Variants in SYVN1 observed in about 807,000 individuals in gnomAD.
The protein encoded by SYVN1 is E3 ubiquitin-protein ligase synoviolin.
SYVN1 carries 17 observed loss-of-function variants against 62.6 expected under a neutral mutation model. The ratio of observed to expected loss-of-function variants is 0.27; its 90% confidence interval spans 0.19 to 0.41. The LOEUF is 0.41. Ranked by LOEUF, SYVN1 falls within the 10% of genes least tolerant of loss-of-function variation. The pLI, the probability that SYVN1 is intolerant of heterozygous loss-of-function variation, is 1.00. For synonymous variants in SYVN1, 316 were observed against 304.0 expected (o/e 1.04, Z -0.41); for missense variants, 634 against 818.0 (o/e 0.78, Z 2.74).
In SYVN1 at chr11:65,131,541, G is replaced by C; in HGVS notation, c.587C>G (p.Ser196Cys). 6.2e-7 allele frequency: 1 copy of C among 1,614,060 alleles called. No homozygotes were observed. The highest frequency in any genetic ancestry group is 8.5e-7 in the Non-Finnish European group (1 of 1,179,998). ...LTIFIKYVLH[S>C]VDLQSENPWD... is the part of the protein sequence containing the mutation. ...GGGGTTCTCACTCTGGAGGTCCACG[G>C]AGTGCAGCACATACTTGATGAAGAT... The change falls in exon 7 of 16, where the codon TCC (serine) becomes TGC (cysteine). Residue 196 changes from serine (S) to cysteine (C), a missense_variant. Physicochemically the swap from Ser to Cys is moderately radical, Grantham distance 112 (BLOSUM62 -1). This residue lies in a region of SYVN1 where 283 missense variants were observed against 444.7 expected (regional missense o/e 0.64). Coordinates refer to ENST00000377190, the MANE Select transcript of SYVN1 (RefSeq NM_172230.3).
In SYVN1 at chr11:65,130,799, C is replaced by T. The variant is rs763257608; in HGVS notation, c.966G>A (p.Arg322=). Residue 322 remains arginine, a synonymous_variant, in exon 11 of 16, where the codon CGG becomes CGA. Coordinates refer to ENST00000377190, the MANE Select transcript of SYVN1 (RefSeq NM_172230.3). ...TACGGCAGGTGGGGCAGGTCTGCTG[C>T]CGCTGGAACCAGGAGCGCAGGCAGC... ...HTSCLRSWFQ[R]QQTCPTCRMD... The T allele has an allele frequency of 2.6e-6, 4 of 1,552,286 alleles. 1 individual carries two copies. The South Asian group carries it at 4.9e-5, about 19-fold the overall frequency.
At chr11:65,128,803 A>G in intron 14 of SYVN1, 89 bp from the exon 15 acceptor site, 1 of 1,360,518 alleles carries the variant, frequency 7.4e-7, no homozygotes, top group Admixed American at 2.6e-5. Flanking sequence ...TGCAGAACAG[A>G]GTATAGAATG....
In SYVN1 at chr11:65,133,628, G is replaced by A. The variant is rs1008181979; in HGVS notation, c.-17-10C>T. ...GCCCTGGCCCGGAGACCTGCATGGG[G>A]CAAGAAAATAACTTATGTGATGCTC... On this transcript the variant is annotated splice_polypyrimidine_tract_variant and intron_variant, in intron 1 of 15. Transcript: ENST00000377190. 6.2e-7 allele frequency: 1 copy of A among 1,601,372 alleles called. No homozygotes were observed. Among genetic ancestry groups the A allele is most frequent in the Non-Finnish European group, 8.5e-7 (1 of 1,177,468 alleles).
intron 5 of SYVN1, 78 bp from the exon 6 acceptor site, chr11:65,132,429 C>A (rs1211591037): frequency 2.0e-6 from 2 of 1,014,350 alleles, no homozygotes; most frequent in African/African-American, 3.2e-5. Context: ...AGGACAGCCC[C>A]ACCCTCAAGC....
Position 65,131,123 on chromosome 11 carries a change from C to T in SYVN1, c.824+9G>A. On this transcript the variant is annotated intron_variant, in intron 9 of 15. Coordinates refer to ENST00000377190, the MANE Select transcript of SYVN1 (RefSeq NM_172230.3). ...AGCTTGGGACAGCAGCCATGACAAG[C>T]CTACTTACAGGGTGTTCATGTTGCG... 3 of 1,614,152 alleles carry T rather than the reference C, an allele frequency of 1.9e-6. No homozygotes were observed. Among genetic ancestry groups the T allele is most frequent in the Non-Finnish European group, 2.5e-6 (3 of 1,180,010 alleles).
At chr11:65,134,028 A>C (rs1482326682) in intron 1 of SYVN1, among the ~76,000 whole-genome samples, 1 of 152,256 alleles carries the variant, frequency 6.6e-6, no homozygotes, top group East Asian at 1.9e-4. Flanking sequence ...AGAGCAGCCA[A>C]GGCACAGAGG....
Position 65,131,371 on chromosome 11 carries a change from A to G in SYVN1, c.661T>C (p.Phe221Leu), listed in dbSNP as rs777102016. 6 of 1,613,922 alleles carry G rather than the reference A, an allele frequency of 3.7e-6. No individual in the cohort carries two copies. The highest frequency in any genetic ancestry group is 5.1e-6 in the Non-Finnish European group (6 of 1,179,968). The change falls in exon 8 of 16, where the codon TTC becomes CTC. Residue 221 changes from phenylalanine (F) to leucine (L), a missense_variant and splice_region_variant. Coordinates refer to ENST00000377190, the MANE Select transcript of SYVN1 (RefSeq NM_172230.3). ...GCCATGTACAGCAGAACCTTGATGA[A>G]GCCTGAGGGGAGGGGATGCAGAAAG... The part of the protein sequence containing the change: ...YMLYTELFTG[F>L]IKVLLYMAFM...
chr11:65,131,134 G>A lies in SYVN1; in HGVS notation c.822C>T (p.Thr274=), dbSNP rs750079333. The change falls in exon 9 of 16, where the codon ACC becomes ACT. Residue 274 remains threonine (T), a splice_region_variant and synonymous_variant. Coordinates refer to ENST00000377190, the MANE Select transcript of SYVN1 (RefSeq NM_172230.3). ...MSRRAIRNMN[T]LYPDATPEEL... is the part of the protein sequence containing the mutation. Reference sequence around the variant, plus strand: ...GCAGCCATGACAAGCCTACTTACAGGGTGTTCATGTTGCGGATGGCTCGGC... The same window carrying A: ...GCAGCCATGACAAGCCTACTTACAGAGTGTTCATGTTGCGGATGGCTCGGC... The A allele has an allele frequency of 1.9e-5, 31 of 1,614,174 alleles. No homozygotes were observed. In the South Asian group the frequency reaches 2.7e-4, roughly 14 times the overall value.
Position 65,133,271 on chromosome 11 carries a change from T to A in SYVN1, c.133-19A>T. ...ACAGGACCTAGGAGTGGGGAGAGGC[T>A]GTGGTTTGAGGTCACTTTCTGCTTT... On this transcript the variant is annotated intron_variant, in intron 2 of 15. Transcript: ENST00000377190. The A allele has an allele frequency of 6.2e-7, 1 of 1,613,470 alleles. No individual in the cohort carries two copies. Among genetic ancestry groups the A allele is most frequent in the Non-Finnish European group, 8.5e-7 (1 of 1,179,424 alleles).
Position 65,129,800 on chromosome 11 carries a change from A to T in SYVN1, c.1524T>A (p.Arg508=), listed in dbSNP as rs1462687703. The T allele has an allele frequency of 6.2e-7, 1 of 1,614,220 alleles. No homozygotes were observed. The highest frequency in any genetic ancestry group is 2.2e-5 in the East Asian group (1 of 44,892). ...CGGCGTCCAGCAGTGTGTGGATGTT[A>T]CGCAGGCTCTGCAGCCGGGCCTCCA... The part of the protein sequence containing the change: ...QHLEARLQSL[R]NIHTLLDAAM... The change falls in exon 14 of 16, where the codon CGT becomes CGA. Residue 508 remains arginine (R), a synonymous_variant. Transcript: ENST00000377190.
Position 65,129,869 on chromosome 11 carries a change from G to A in SYVN1, c.1455C>T (p.Thr485=), listed in dbSNP as rs749747458. 4 of 1,614,046 alleles carry A rather than the reference G, an allele frequency of 2.5e-6. No homozygotes were observed. The South Asian group carries it at 4.4e-5, about 18-fold the overall frequency. Residue 485 remains threonine, a synonymous_variant, in exon 14 of 16, where the codon ACC becomes ACT. Transcript: ENST00000377190. Reference sequence around the variant, plus strand: ...CCTCCAGAGCTCGTAGCTCCTCTGGGGTCAGCCCAGCAAAGCCCGCAGGGG... The same window carrying A: ...CCTCCAGAGCTCGTAGCTCCTCTGGAGTCAGCCCAGCAAAGCCCGCAGGGG... The part of the protein sequence containing the change: ...PVPPAGFAGL[T]PEELRALEGH...
intron 1 of SYVN1, among the ~76,000 whole-genome samples, chr11:65,133,940 G>C (rs1298204612): frequency 6.6e-6 from 1 of 152,244 alleles, no homozygotes; most frequent in African/African-American, 2.4e-5. Flanking sequence ...CTGCACCGCT[G>C]ACCCTCCGGT....
At chr11:65,132,710 C>G (rs1360740591) in intron 5 of SYVN1, 22 bp downstream of exon 5, 1 of 1,613,892 alleles carries the variant, frequency 6.2e-7, no homozygotes, top group Non-Finnish European at 8.5e-7. Context: ...TCCTCCCTTC[C>G]CCTCCCCTGA....
intron 14 of SYVN1, 172 bp downstream of exon 14, chr11:65,129,557 T>A: frequency 1.7e-6 from 1 of 579,920 alleles, no homozygotes; most frequent in Non-Finnish European, 3.1e-6. Context: ...CTTTCTGGAG[T>A]GGGAAATAAA....
chr11:65,127,303 C>G lies in SYVN1; in HGVS notation c.*1079G>C. 1.1e-5 allele frequency: 5 copies of G among 453,184 alleles called. No homozygotes were observed. Among genetic ancestry groups the G allele is most frequent in the Non-Finnish European group, 1.9e-5 (5 of 256,988 alleles). 28.1% of individuals were successfully genotyped at this position (453,184 alleles called of 1,614,324 possible). A position where few individuals can be genotyped will look rare whatever the true frequency, so the allele number is the denominator to read the frequency against. Reference sequence around the variant, plus strand: ...ATTGTTAATGCAAGTTTTTATTTGGCTGTATATACAATTTAAGCTATTAAA... The same window carrying G: ...ATTGTTAATGCAAGTTTTTATTTGGGTGTATATACAATTTAAGCTATTAAA... On this transcript the variant is annotated 3_prime_UTR_variant, in exon 16 of 16. Coordinates refer to ENST00000377190, the MANE Select transcript of SYVN1 (RefSeq NM_172230.3).
At position 65,129,982 on chromosome 11, in the gene SYVN1, C is replaced by A. The variant is rs771247876; in HGVS notation, c.1408+20G>T. 2.5e-6 allele frequency: 4 copies of A among 1,595,234 alleles called. No individual in the cohort carries two copies. The highest frequency in any genetic ancestry group is 3.4e-6 in the Non-Finnish European group (4 of 1,167,922). On this transcript the variant is annotated intron_variant, in intron 13 of 15. Coordinates refer to ENST00000377190, the MANE Select transcript of SYVN1 (RefSeq NM_172230.3). ...ACCAACCTCACCCCCAAGAAGAACC[C>A]AGAGAGTGGCCCAGCTTACCAAAGG...
chr11:65,130,736 TG>T lies in SYVN1; in HGVS notation c.1028del (p.Pro343HisfsTer142). ...CCTGATCCGCAGGCTCCGGGGGTGG[TG>T]GTGACTGCGCTGGCAGCGATGCACG... is the stretch of plus-strand genomic sequence containing the variant. The part of the protein sequence containing the change: ...VLRASLPAQS[P>X]PPPEPADQGP... On this transcript the variant is annotated frameshift_variant, in exon 11 of 16. Coordinates refer to ENST00000377190, the MANE Select transcript of SYVN1 (RefSeq NM_172230.3). LOFTEE classifies it high-confidence loss of function. The T allele has an allele frequency of 6.5e-7, 1 of 1,528,680 alleles. No individual in the cohort carries two copies. Among genetic ancestry groups the T allele is most frequent in the Non-Finnish European group, 8.8e-7 (1 of 1,142,212 alleles). The allele number at this position is 1,528,680 out of a possible 1,614,324, so 94.7% of individuals were successfully genotyped here. A position where few individuals can be genotyped will look rare whatever the true frequency, so the allele number is the denominator to read the frequency against.
chr11:65,129,684 C>T (rs1565343822), intron 14 of SYVN1, 45 bp downstream of exon 14: 1 of 1,593,606 alleles, frequency 6.3e-7, no homozygotes, highest in Non-Finnish European at 8.6e-7. Context: ...GGCAGCTCCA[C>T]TCCTGACCCA....
At position 65,128,457 on chromosome 11, in the gene SYVN1, A is replaced by G. The variant is rs1948130763; in HGVS notation, c.1779T>C (p.Pro593=). 6.2e-7 allele frequency: 1 copy of G among 1,614,156 alleles called. No homozygotes were observed. Residue 593 remains proline, a synonymous_variant, in exon 16 of 16, where the codon CCT becomes CCC. Transcript: ENST00000377190. ...APESVGTEEM[P]EDGEPDAAEL... ...CTGCTGCATCGGGCTCTCCATCCTC[A>G]GGCATCTCCTCTGTGCCCACTGACT...
Sources: allele counts gnomAD v4.1 joint callset (sites outside exome capture counted in the v4.1 genomes callset), GRCh38; gene constraint gnomAD v4.1.1; regional missense constraint gnomAD v4.1.1; transcripts MANE v1.5; gene names NCBI Gene and HGNC (gene_info 2026-07-23, HGNC 2026-07-21).